The following LGR5 variants were observed in gnomAD, a reference collection of about 807,000 sequenced individuals.
The protein encoded by LGR5 is leucine rich repeat containing G protein-coupled receptor 5, also known as leucine-rich repeat-containing G protein-coupled receptor 5.
Under a neutral mutation model 76.7 loss-of-function variants are expected in LGR5, and 54 were observed. The observed-to-expected ratio is 0.70, with a 90% CI of 0.57 to 0.88. The LOEUF (loss-of-function observed/expected upper bound fraction) is 0.88. LGR5 is among the 40% of genes least tolerant of loss of function. The pLI is 0.00. For missense variants in LGR5, 1,078 were observed against 1,073.3 expected, an observed-to-expected ratio of 1.00 and a Z score of -0.06; for synonymous variants, 406 against 421.9, an observed-to-expected ratio of 0.96 and a Z score of 0.46.
chr12:71,581,952 G>A (rs1484958846), intron 16 of LGR5, among the ~76,000 whole-genome samples: 2 of 152,174 alleles, frequency 1.3e-5, no homozygotes, highest in African/African-American at 4.8e-5. Context: ...CCTATTTCAT[G>A]GATAGCTAAA....
intron 2 of LGR5, among the ~76,000 whole-genome samples, chr12:71,516,548 A>G (rs904976435): frequency 6.6e-5 from 10 of 152,106 alleles, no homozygotes; most frequent in African/African-American, 2.4e-4. Context: ...ACCTCTCCCT[A>G]TGTTTAGAGA....
chr12:71,562,157 T>C (rs1009241186), intron 8 of LGR5, among the ~76,000 whole-genome samples: 35 of 152,214 alleles, frequency 2.3e-4, no homozygotes, highest in African/African-American at 8.4e-4. Flanking sequence ...TTTTAGAGCA[T>C]TAATGTCAAG....
chr12:71,502,983 T>C lies in LGR5; in HGVS notation c.213-1631T>C, dbSNP rs559245656. Among the ~76,000 whole-genome samples the C allele has an allele frequency of 5.3e-5, 8 of 152,354 alleles. No homozygotes were observed. In the East Asian group the frequency reaches 1.5e-3, roughly 29 times the overall value. On this transcript the variant is annotated intron_variant, in intron 1 of 17. Transcript: ENST00000266674. ...ATGCTCTCCACACCATATGTCTTGATGTCGAGACTGGTTTGATCTGTGTTA... is the reference window on the plus strand; with the variant it reads ...ATGCTCTCCACACCATATGTCTTGACGTCGAGACTGGTTTGATCTGTGTTA...
At chr12:71,536,597 C>T (rs1163159190) in intron 4 of LGR5, among the ~76,000 whole-genome samples, 1 of 152,168 alleles carries the variant, frequency 6.6e-6, no homozygotes, top group Non-Finnish European at 1.5e-5. Flanking sequence ...GTTGGGGTAT[C>T]TGTGTGGCAA....
At chr12:71,492,968 T>C (rs1874140894) in intron 1 of LGR5, among the ~76,000 whole-genome samples, 1 of 151,294 alleles carries the variant, frequency 6.6e-6, no homozygotes, top group Non-Finnish European at 1.5e-5. Context: ...CCATCCAATC[T>C]TTCATTTTTT....
intron 3 of LGR5, among the ~76,000 whole-genome samples, chr12:71,526,542 TACTC>T (rs1259706994): frequency 6.6e-6 from 1 of 152,224 alleles, no homozygotes; most frequent in African/African-American, 2.4e-5. Flanking sequence ...GTGCGTGTGA[TACTC>T]AAATTAGCAT....
At chr12:71,528,308 AT>A (rs1876122344) in intron 3 of LGR5, among the ~76,000 whole-genome samples, 1 of 152,052 alleles carries the variant, frequency 6.6e-6, no homozygotes, top group Non-Finnish European at 1.5e-5. Context: ...AAATACAAAA[AT>A]TAGCCTGGCA....
intron 12 of LGR5, 49 bp downstream of exon 12, chr12:71,571,628 C>T (rs370073545): frequency 3.0e-6 from 4 of 1,338,354 alleles, no homozygotes; most frequent in African/African-American, 1.4e-5. Flanking sequence ...AGAATCAAAA[C>T]TCACATTTCT....
intron 2 of LGR5, among the ~76,000 whole-genome samples, chr12:71,514,567 C>CAA (rs11417758): frequency 0.043 from 5,819 of 136,120 alleles, 364 homozygotes; most frequent in African/African-American, 0.14. Context: ...GACTCCCTCT[C>CAA]AAAAAAAAAA....
Position 71,535,160 on chromosome 12 carries a change from G to A in LGR5, c.402G>A (p.Leu134=). 6.2e-7 allele frequency: 1 copy of A among 1,611,562 alleles called. No individual in the cohort carries two copies. Among genetic ancestry groups the A allele is most frequent in the Non-Finnish European group, 8.5e-7 (1 of 1,178,152 alleles). ...NQLRHVPTEA[L]QNLRSLQSLR... Reference sequence around the variant, plus strand: ...TAAGACACGTACCCACAGAAGCTCTGCAGAATTTGCGAAGCCTTCAATCCC... The same window carrying A: ...TAAGACACGTACCCACAGAAGCTCTACAGAATTTGCGAAGCCTTCAATCCC... The change falls in exon 4 of 18, where the codon CTG becomes CTA. Residue 134 remains leucine, a synonymous_variant. Coordinates refer to ENST00000266674, the MANE Select transcript of LGR5 (RefSeq NM_003667.4).
chr12:71,496,391 A>AAAAAAAG (rs1555169618), intron 1 of LGR5, among the ~76,000 whole-genome samples: 1 of 115,050 alleles, frequency 8.7e-6, no homozygotes, highest in Non-Finnish European at 1.7e-5. Flanking sequence ...AAAAAAAAAA[A>AAAAAAAG]AGAGAGAGAG....
At chr12:71,580,599 C>T (rs1281492595) in intron 16 of LGR5, among the ~76,000 whole-genome samples, 176 bp downstream of exon 16, 1 of 152,132 alleles carries the variant, frequency 6.6e-6, no homozygotes, top group Non-Finnish European at 1.5e-5. Context: ...AGTTCAAGAC[C>T]AGCCTGGCCA....
intron 1 of LGR5, among the ~76,000 whole-genome samples, chr12:71,471,563 A>G (rs568164217): frequency 9.2e-5 from 14 of 152,234 alleles, no homozygotes; most frequent in Non-Finnish European, 1.0e-4. Flanking sequence ...AACTATGTGG[A>G]TATACTAAAA....
chr12:71,552,395 T>C (rs902613552), intron 4 of LGR5, among the ~76,000 whole-genome samples: 1 of 152,012 alleles, frequency 6.6e-6, no homozygotes, highest in Non-Finnish European at 1.5e-5. Flanking sequence ...TGAAACCCTG[T>C]CTCTACTAAA....
intron 3 of LGR5, among the ~76,000 whole-genome samples, chr12:71,529,496 C>A (rs897264332): frequency 1.3e-5 from 2 of 152,140 alleles, no homozygotes; most frequent in Non-Finnish European, 1.5e-5. Context: ...GTGAGGATTA[C>A]AATTTGACAT....
chr12:71,536,785 C>T (rs1876613507), intron 4 of LGR5, among the ~76,000 whole-genome samples: 1 of 152,196 alleles, frequency 6.6e-6, no homozygotes, highest in Admixed American at 6.5e-5. Context: ...ATCTTTTGTT[C>T]ACTGGAACTG....
At chr12:71,481,625 G>T (rs1031469201) in intron 1 of LGR5, among the ~76,000 whole-genome samples, 1 of 152,082 alleles carries the variant, frequency 6.6e-6, no homozygotes, top group Non-Finnish European at 1.5e-5. Context: ...CAGGATATTC[G>T]ATGAAATGTG....
chr12:71,440,228 G>T lies in LGR5; in HGVS notation c.148G>T (p.Val50Leu). The change falls in exon 1 of 18, where the codon GTG (valine) becomes TTG (leucine). Residue 50 changes from valine to leucine, a missense_variant. Transcript: ENST00000266674. The surrounding 1 kb of genome is among the most constrained non-coding windows in gnomAD (Gnocchi z 5.3). The stretch of plus-strand genomic sequence containing the variant: ...GCCCGACGGCAGGATGTTGCTCAGG[G>T]TGGACTGCTCCGACCTGGGGCTCTC... ...CEPDGRMLLRVDCSDLGLSEL... is the reference protein window; with the variant it reads ...CEPDGRMLLRLDCSDLGLSEL... 6.2e-7 allele frequency: 1 copy of T among 1,613,310 alleles called. No individual in the cohort carries two copies.
chr12:71,556,503 G>A, intron 5 of LGR5, 116 bp from the exon 6 acceptor site: 1 of 715,462 alleles, frequency 1.4e-6, no homozygotes. Flanking sequence ...TTTTTACATT[G>A]GCTTCTTATA....
Sources: gnomAD v4.1 joint callset for allele counts (sites outside exome capture counted in the v4.1 genomes callset) on GRCh38, gnomAD v4.1.1 for gene constraint, Gnocchi (gnomAD v3.1) non-coding constraint, MANE v1.5 for transcripts, NCBI Gene and HGNC (gene_info 2026-07-23, HGNC 2026-07-21) for gene names.